Variants in BIN1 observed in about 807,000 individuals in gnomAD.
BIN1 encodes the protein myc box-dependent-interacting protein 1.
In BIN1, 53 loss-of-function variants were observed where a neutral mutation model predicts 82.0. That is an observed-to-expected ratio of 0.65 (90% CI 0.52 to 0.81). The LOEUF is 0.81. BIN1 is among the 40% of genes least tolerant of loss of function. The pLI is 0.00. For missense variants in BIN1, 642 were observed against 784.4 expected, an observed-to-expected ratio of 0.82 and a Z score of 2.17; for synonymous variants, 302 against 328.0, an observed-to-expected ratio of 0.92 and a Z score of 0.86.
In BIN1 at chr2:127,048,150, C is replaced by T. The variant is rs1053677345; in HGVS notation, c.*376G>A. The T allele has an allele frequency of 3.8e-5, 13 of 338,728 alleles. No homozygotes were observed. Among genetic ancestry groups the T allele is most frequent in the South Asian group, 3.5e-4 (13 of 37,340 alleles). The allele number at this position is 338,728 out of a possible 1,614,324, so 21.0% of individuals were successfully genotyped here. ...AGGCTAGGCTGGTGTCTGGGCCCCACCCACAGCAGCTGCCAGGAAAAGAGG... is the reference window on the plus strand; with the variant it reads ...AGGCTAGGCTGGTGTCTGGGCCCCATCCACAGCAGCTGCCAGGAAAAGAGG... On this transcript the variant is annotated 3_prime_UTR_variant, in exon 19 of 19. Coordinates refer to ENST00000316724, the MANE Select transcript of BIN1 (RefSeq NM_139343.3).
intron 5 of BIN1, among the ~76,000 whole-genome samples, chr2:127,069,727 C>T (rs1204671269): frequency 7.2e-6 from 1 of 138,208 alleles, no homozygotes; most frequent in Non-Finnish European, 1.6e-5. Context: ...AGCCACTCCG[C>T]AGCAACACAC....
intron 1 of BIN1, among the ~76,000 whole-genome samples, chr2:127,084,144 A>G (rs1057333311): frequency 6.6e-6 from 1 of 152,002 alleles, no homozygotes; most frequent in African/African-American, 2.4e-5. Flanking sequence ...CCTGGAGGAG[A>G]AAAAAAACTG....
At chr2:127,069,964 A>G (rs1685664023) in intron 5 of BIN1, 31 bp downstream of exon 5, 2 of 1,605,630 alleles carry the variant, frequency 1.2e-6, no homozygotes, top group Non-Finnish European at 1.7e-6. Context: ...TCCAGGCCAG[A>G]GCAGGGCAGA....
Position 127,082,648 on chromosome 2 carries a change from C to T in BIN1, c.85-5942G>A, listed in dbSNP as rs939245175. Among the ~76,000 whole-genome samples the T allele has an allele frequency of 6.6e-5, 10 of 152,282 alleles. No homozygotes were observed. Among genetic ancestry groups the T allele is most frequent in the African/African-American group, 2.4e-4 (10 of 41,542 alleles). ...GAGGGAGCCAGTCTGAGGACAGTCC[C>T]GCAGATCCCATAGTCACCTAGTTCC... On this transcript the variant is annotated intron_variant, in intron 1 of 18. Transcript: ENST00000316724. This position sits in a 1 kb window ranked among gnomAD's most constrained non-coding sequence, Gnocchi z 6.1.
intron 10 of BIN1, among the ~76,000 whole-genome samples, chr2:127,061,775 C>G (rs377726959): frequency 7.9e-5 from 12 of 152,118 alleles, no homozygotes; most frequent in African/African-American, 2.9e-4. Context: ...CGGAGTCTTT[C>G]AGTCCTGTTC....
In BIN1 at chr2:127,053,462, G is replaced by C. The variant is rs767984867; in HGVS notation, c.1240-17C>G. The stretch of plus-strand genomic sequence containing the variant: ...TGGAATTGACTGAGCGCAGCAGTGA[G>C]GGCGAGAAGGACAGTTAGCACAGAG... On this transcript the variant is annotated splice_polypyrimidine_tract_variant and intron_variant, in intron 13 of 18. Transcript: ENST00000316724. The C allele has an allele frequency of 6.2e-7, 1 of 1,613,606 alleles. No individual in the cohort carries two copies. Among genetic ancestry groups the C allele is most frequent in the East Asian group, 2.2e-5 (1 of 44,844 alleles).
At chr2:127,053,775 A>C in intron 13 of BIN1, 130 bp downstream of exon 13, 1 of 905,708 alleles carries the variant, frequency 1.1e-6, no homozygotes. Flanking sequence ...ATGAGGGCTG[A>C]AGGCTGAGGT....
chr2:127,071,053 T>G (rs746124121), intron 2 of BIN1, among the ~76,000 whole-genome samples: 2 of 152,032 alleles, frequency 1.3e-5, no homozygotes, highest in Non-Finnish European at 2.9e-5. Context: ...GATGCCATTC[T>G]CAGCCCAGGA....
rs755872724 is a variant in BIN1 at position 127,048,351 on chromosome 2, G to C, written c.*175C>G. 1 of 634,638 alleles carries C rather than the reference G, an allele frequency of 1.6e-6. No individual in the cohort carries two copies. The highest frequency in any genetic ancestry group is 2.8e-6 in the Non-Finnish European group (1 of 363,098). 39.3% of individuals were successfully genotyped at this position (634,638 alleles called of 1,614,324 possible). A position where few individuals can be genotyped will look rare whatever the true frequency, so the allele number is the denominator to read the frequency against. On this transcript the variant is annotated 3_prime_UTR_variant, in exon 19 of 19. Transcript: ENST00000316724. ...AATTCCGCCGGACTTGCCGGGACGC[G>C]GCTCTTTGGAAAACGACCTAATCTT...
intron 1 of BIN1, among the ~76,000 whole-genome samples, chr2:127,083,503 C>A (rs1687564122): frequency 6.6e-6 from 1 of 152,214 alleles, no homozygotes; most frequent in Non-Finnish European, 1.5e-5. Flanking sequence ...AATACTCCAA[C>A]AGATTTCCTA....
chr2:127,081,191 T>C (rs12329015), intron 1 of BIN1, among the ~76,000 whole-genome samples: 24,984 of 151,992 alleles, frequency 0.16, 2,155 homozygotes, highest in South Asian at 0.25. Flanking sequence ...GGAGGAAGGG[T>C]GCCCAGGCCT....
chr2:127,101,051 C>A (rs965147209), intron 1 of BIN1, among the ~76,000 whole-genome samples: 1 of 148,304 alleles, frequency 6.7e-6, no homozygotes, highest in Admixed American at 6.8e-5. Context: ...CTACCGCACC[C>A]AGAGTTGCTG....
intron 1 of BIN1, among the ~76,000 whole-genome samples, chr2:127,079,519 T>G (rs1400686312): frequency 6.6e-6 from 1 of 152,142 alleles, no homozygotes; most frequent in African/African-American, 2.4e-5. Context: ...ACGCGCACAC[T>G]CTACCTGCAC....
intron 10 of BIN1, among the ~76,000 whole-genome samples, 159 bp downstream of exon 10, chr2:127,061,956 C>A (rs1232960999): frequency 2.0e-5 from 3 of 152,268 alleles, no homozygotes; most frequent in Non-Finnish European, 4.4e-5. Flanking sequence ...CCTGCCCTCA[C>A]CTGCCTCCCT....
Position 127,052,258 on chromosome 2 carries a change from G to C in BIN1, c.1368C>G (p.Ala456=). 6.4e-7 allele frequency: 1 copy of C among 1,570,652 alleles called. No individual in the cohort carries two copies. Among genetic ancestry groups the C allele is most frequent in the Non-Finnish European group, 8.6e-7 (1 of 1,157,368 alleles). ...GGGGCTGGAGGTGGGCACTTACTTGGGCAGGCCCCGGCTCGGCCGTCTGGC... is the reference window on the plus strand; with the variant it reads ...GGGGCTGGAGGTGGGCACTTACTTGCGCAGGCCCCGGCTCGGCCGTCTGGC... ...WPSQTAEPGP[A]QPAEASEVAG... is the part of the protein sequence containing the mutation. Residue 456 remains alanine (A), a synonymous_variant, in exon 15 of 19, where the codon GCC becomes GCG. Transcript: ENST00000316724.
chr2:127,052,850 T>C (rs959488465), intron 14 of BIN1: 1 of 242,904 alleles, frequency 4.1e-6, no homozygotes. Context: ...TACTGAGCCT[T>C]CCCTGAGCCT....
chr2:127,074,050 A>T lies in BIN1; in HGVS notation c.165+2576T>A, dbSNP rs1404715746. Among the ~76,000 whole-genome samples the T allele has an allele frequency of 2.0e-5, 3 of 152,178 alleles. No individual in the cohort carries two copies. In the East Asian group the frequency reaches 5.8e-4, roughly 29 times the overall value. The stretch of plus-strand genomic sequence containing the variant: ...TCCTAGGGCCCCCCACCCCATAAGA[A>T]GGGGTGGGAGGTTCACTTCTTTAAA... On this transcript the variant is annotated intron_variant, in intron 2 of 18. Coordinates refer to ENST00000316724, the MANE Select transcript of BIN1 (RefSeq NM_139343.3).
rs951079739 is a variant in BIN1 at position 127,088,370 on chromosome 2, G to T, written c.85-11664C>A. 1.3e-5 allele frequency among the ~76,000 whole-genome samples: 2 copies of T among 149,648 alleles called. 1 individual carries two copies. Among genetic ancestry groups the T allele is most frequent in the Admixed American group, 1.3e-4 (2 of 15,104 alleles). On this transcript the variant is annotated intron_variant, in intron 1 of 18. Transcript: ENST00000316724. Reference sequence around the variant, plus strand: ...CATGCTCTATGGGAAGCCAAGCAAGGTCTCTGCCCTGGAGGAGCCAGCACT... The same window carrying T: ...CATGCTCTATGGGAAGCCAAGCAAGTTCTCTGCCCTGGAGGAGCCAGCACT...
intron 1 of BIN1, among the ~76,000 whole-genome samples, chr2:127,098,986 G>A (rs1418291094): frequency 2.6e-5 from 4 of 152,184 alleles, no homozygotes; most frequent in South Asian, 2.1e-4. Context: ...GCTTTATCAC[G>A]GGGGAGTGTG....
Sources: allele counts gnomAD v4.1 joint callset (sites outside exome capture counted in the v4.1 genomes callset), GRCh38; gene constraint gnomAD v4.1.1; non-coding constraint Gnocchi (gnomAD v3.1); transcripts MANE v1.5; gene names NCBI Gene and HGNC (gene_info 2026-07-23, HGNC 2026-07-21).